The following AFG2A variants were observed in gnomAD, a reference collection of about 807,000 sequenced individuals.
AFG2A encodes ATPase family gene 2 protein homolog A.
At chr4:123,056,476 G>T in the AFG2A span, 2 of 1,589,008 alleles carry the variant, frequency 1.3e-6, no homozygotes, top group South Asian at 2.3e-5. Context: ...CTCAGCACAG[G>T]AGAATCACAC....
the AFG2A span, among the ~76,000 whole-genome samples, chr4:123,290,988 A>T: frequency 6.6e-6 from 1 of 152,160 alleles, no homozygotes; most frequent in Non-Finnish European, 1.5e-5. Context: ...AGTTAGGTGC[A>T]TATTTATTTA....
chr4:122,939,436 A>G, the AFG2A span, among the ~76,000 whole-genome samples: 1 of 152,190 alleles, frequency 6.6e-6, no homozygotes, highest in African/African-American at 2.4e-5. Context: ...AGGAACATTC[A>G]TAGGACTAAT....
the AFG2A span, among the ~76,000 whole-genome samples, chr4:123,207,941 C>T: frequency 6.6e-6 from 1 of 152,086 alleles, no homozygotes; most frequent in Admixed American, 6.5e-5. Context: ...TTCTCAAACC[C>T]ATATGGAATG....
chr4:123,171,484 G>A, the AFG2A span, among the ~76,000 whole-genome samples: 1 of 152,034 alleles, frequency 6.6e-6, no homozygotes, highest in Non-Finnish European at 1.5e-5. Context: ...AGGGAGAGAG[G>A]ACAGATCAGA....
chr4:123,050,388 TG>T, the AFG2A span, among the ~76,000 whole-genome samples: 1 of 152,188 alleles, frequency 6.6e-6, no homozygotes, highest in Non-Finnish European at 1.5e-5. Context: ...TTGCTCAAAG[TG>T]GGGCATTGCG....
chr4:123,118,355 A>ATT, the AFG2A span, among the ~76,000 whole-genome samples: 1 of 134,728 alleles, frequency 7.4e-6, no homozygotes, highest in East Asian at 2.0e-4. Context: ...TATATATATT[A>ATT]TATATATATA....
the AFG2A span, among the ~76,000 whole-genome samples, chr4:123,241,750 C>T: frequency 6.6e-6 from 1 of 152,198 alleles, no homozygotes; most frequent in East Asian, 1.9e-4. Context: ...CTCACCACTC[C>T]TACTCAACAT....
chr4:123,028,264 C>A, the AFG2A span: 1 of 1,614,122 alleles, frequency 6.2e-7, no homozygotes, highest in South Asian at 1.1e-5. Flanking sequence ...CTTAAAACAT[C>A]CAGAGTCTTT....
the AFG2A span, among the ~76,000 whole-genome samples, chr4:123,043,144 A>G: frequency 1.3e-5 from 2 of 152,300 alleles, no homozygotes; most frequent in Admixed American, 6.5e-5. Flanking sequence ...AGGATATGCC[A>G]TTCTAGCTTG....
the AFG2A span, among the ~76,000 whole-genome samples, chr4:123,214,705 C>A: frequency 3.6e-4 from 55 of 151,962 alleles, no homozygotes; most frequent in Non-Finnish European, 7.4e-4. Context: ...AAAACCTACA[C>A]ACACAAACAC....
At chr4:123,008,691 C>T in the AFG2A span, among the ~76,000 whole-genome samples, 1 of 152,078 alleles carries the variant, frequency 6.6e-6, no homozygotes, top group Non-Finnish European at 1.5e-5. Context: ...AATTTCTTCT[C>T]GTTTTGATCC....
chr4:122,929,246 A>G, the AFG2A span: 1 of 1,493,190 alleles, frequency 6.7e-7, no homozygotes, highest in African/African-American at 1.4e-5. Context: ...TGCCCAGTAG[A>G]AATATAAGAG....
At chr4:123,286,799 A>G in the AFG2A span, among the ~76,000 whole-genome samples, 30 of 151,946 alleles carry the variant, frequency 2.0e-4, no homozygotes, top group Admixed American at 4.6e-4. Flanking sequence ...TGGTTGTGCT[A>G]TTCCGATCTG....
the AFG2A span, among the ~76,000 whole-genome samples, chr4:123,221,571 G>A: frequency 6.6e-6 from 1 of 152,076 alleles, no homozygotes; most frequent in Admixed American, 6.6e-5. Context: ...TGGAATATTG[G>A]ATTGAATATA....
At chr4:123,015,508 C>T in the AFG2A span, among the ~76,000 whole-genome samples, 9 of 151,860 alleles carry the variant, frequency 5.9e-5, no homozygotes. Flanking sequence ...GGGGTAGGGT[C>T]ACCGATCAAC....
the AFG2A span, among the ~76,000 whole-genome samples, chr4:123,026,465 A>T: frequency 6.6e-6 from 1 of 152,218 alleles, no homozygotes; most frequent in South Asian, 2.1e-4. Context: ...ATTGCAAAAA[A>T]ATCTCATAAT....
At chr4:123,060,654 A>G in the AFG2A span, among the ~76,000 whole-genome samples, 2 of 151,554 alleles carry the variant, frequency 1.3e-5, no homozygotes, top group Non-Finnish European at 2.9e-5. Flanking sequence ...CCAGAAAACC[A>G]TTTTTCCCTC....
At chr4:123,126,651 G>C in the AFG2A span, among the ~76,000 whole-genome samples, 1 of 152,106 alleles carries the variant, frequency 6.6e-6, no homozygotes, top group Non-Finnish European at 1.5e-5. Context: ...GGTTTTATAA[G>C]GGGCTTTTCC....
the AFG2A span, among the ~76,000 whole-genome samples, chr4:123,177,060 C>T: frequency 6.6e-6 from 1 of 152,218 alleles, no homozygotes; most frequent in South Asian, 2.1e-4. Flanking sequence ...CAAAAGCCCT[C>T]ATATTAGCTC....
Sources: gnomAD v4.1 joint callset for allele counts (sites outside exome capture counted in the v4.1 genomes callset) on GRCh38, gnomAD v4.1.1 for gene constraint, MANE v1.5 for transcripts, NCBI Gene and HGNC (gene_info 2026-07-23, HGNC 2026-07-21) for gene names.